The following PACRGL variants were observed in gnomAD, a reference collection of about 807,000 sequenced individuals.
The protein encoded by PACRGL is PACRG-like protein.
A neutral mutation model predicts 34.5 loss-of-function variants in PACRGL; 38 were observed. The ratio of observed to expected loss-of-function variants is 1.10; its 90% CI spans 0.85 to 1.44. PACRGL has a LOEUF of 1.44. Ranked by LOEUF, PACRGL falls within the 40% of genes most tolerant of loss-of-function variation. The probability of loss-of-function intolerance (pLI) is 0.00; values close to 1 mark genes in which losing one functional copy is unlikely to be tolerated. For missense variants in PACRGL, 305 were observed against 281.4 expected (o/e 1.08, Z -0.60); for synonymous variants, 128 against 100.1 (o/e 1.28, Z -1.66).
At chr4:20,720,887 G>C (rs538984644) in intron 7 of PACRGL, among the ~76,000 whole-genome samples, 1 of 152,212 alleles carries the variant, frequency 6.6e-6, no homozygotes, top group Non-Finnish European at 1.5e-5. Context: ...GCTAAGTTGG[G>C]AAAGTTCTCC....
At chr4:20,708,455 T>A (rs1735560232) in intron 4 of PACRGL, among the ~76,000 whole-genome samples, 1 of 152,210 alleles carries the variant, frequency 6.6e-6, no homozygotes, top group Admixed American at 6.5e-5. Flanking sequence ...CATTTATTTA[T>A]TTTTGTTCCA....
chr4:20,705,662 G>A (rs371935653), intron 3 of PACRGL, among the ~76,000 whole-genome samples: 1 of 151,978 alleles, frequency 6.6e-6, no homozygotes, highest in Non-Finnish European at 1.5e-5. Context: ...GGAGTTTACG[G>A]TGACGCTTCA....
At chr4:20,757,431 A>C (rs1324293020), downstream of PACRGL, among the ~76,000 whole-genome samples, 3 of 152,160 alleles carry the variant, frequency 2.0e-5, no homozygotes, top group African/African-American at 7.2e-5. Context: ...GATCCCACTT[A>C]AACTTATCAG....
chr4:20,735,851 T>C (rs758330296), downstream of PACRGL, among the ~76,000 whole-genome samples: 10 of 152,164 alleles, frequency 6.6e-5, no homozygotes, highest in Admixed American at 3.9e-4. Context: ...CTTGTTGTTA[T>C]GTACAGCAGG....
rs1321751637 is a variant in PACRGL, at chr4:20,729,596, TCC to T, written c.*2256_*2257del. 6.6e-6 allele frequency: 1 copy of T among 151,588 alleles called. No individual in the cohort carries two copies. Among genetic ancestry groups the T allele is most frequent in the African/African-American group, 2.4e-5 (1 of 41,258 alleles). The allele number at this position is 151,588 out of a possible 1,614,324, so 9.4% of individuals were successfully genotyped here. ...TTTTTTTAATTGTTGTAATCTTGTT[TCC>T]TTAAAGTATATAAATGGAATTTAAA... On this transcript the variant is annotated 3_prime_UTR_variant, in exon 9 of 9. Transcript: ENST00000503585.
chr4:20,764,683 C>CACACAT, the PACRGL span, among the ~76,000 whole-genome samples: 1 of 146,724 alleles, frequency 6.8e-6, no homozygotes, highest in African/African-American at 2.5e-5. Flanking sequence ...GGGAATTGGA[C>CACACAT]ACACACACAC....
At chr4:20,696,978 A>G (rs528967449), upstream of PACRGL, among the ~76,000 whole-genome samples, 1 of 152,348 alleles carries the variant, frequency 6.6e-6, no homozygotes, top group South Asian at 2.1e-4. Context: ...TTACTTTCAC[A>G]TGATTCTTTC....
chr4:20,725,435 G>T (rs914287307), intron 8 of PACRGL, among the ~76,000 whole-genome samples: 1 of 151,990 alleles, frequency 6.6e-6, no homozygotes, highest in Admixed American at 6.6e-5. Flanking sequence ...ACTTTTCAAG[G>T]TACAAAAATA....
At chr4:20,733,766 T>TA (rs1248117013), downstream of PACRGL, among the ~76,000 whole-genome samples, 5 of 152,160 alleles carry the variant, frequency 3.3e-5, no homozygotes, top group African/African-American at 1.2e-4. Flanking sequence ...ACAATAGCCA[T>TA]AAGGTCTTAA....
chr4:20,716,351 T>C, intron 7 of PACRGL: 2 of 587,632 alleles, frequency 3.4e-6, no homozygotes, highest in Non-Finnish European at 6.0e-6. Flanking sequence ...TTTGTTTGTT[T>C]GTTTGTTTTA....
At chr4:20,718,319 T>A (rs1412135246) in intron 7 of PACRGL, among the ~76,000 whole-genome samples, 1 of 152,188 alleles carries the variant, frequency 6.6e-6, no homozygotes, top group Non-Finnish European at 1.5e-5. Flanking sequence ...GAATACCCTT[T>A]ATTTCTTTCT....
At chr4:20,712,721 C>A in intron 5 of PACRGL, 67 bp from the exon 6 acceptor site, 1 of 1,299,844 alleles carries the variant, frequency 7.7e-7, no homozygotes, top group Non-Finnish European at 1.0e-6. Flanking sequence ...CAAGTAAAGA[C>A]TCAATTTTTC....
rs1747984500 is a variant in PACRGL at position 20,730,964 on chromosome 4, A to T, written c.*3623A>T. ...TTCTCTCAAAGACCACTGCATGGAA[A>T]TCCAAGTTGAGAGACAAGCAGACAT... On this transcript the variant is annotated 3_prime_UTR_variant, in exon 9 of 9. Transcript: ENST00000503585. Among the ~76,000 whole-genome samples, 1 of 152,220 alleles carries T rather than the reference A, an allele frequency of 6.6e-6. No homozygotes were observed. The highest frequency in any genetic ancestry group is 1.5e-5 in the Non-Finnish European group (1 of 68,036).
At chr4:20,723,347 G>C (rs1276643158) in intron 7 of PACRGL, among the ~76,000 whole-genome samples, 3 of 152,128 alleles carry the variant, frequency 2.0e-5, no homozygotes, top group Non-Finnish European at 4.4e-5. Flanking sequence ...GGTATGCCAA[G>C]CAGTGAGAAT....
intron 8 of PACRGL, among the ~76,000 whole-genome samples, chr4:20,745,752 C>G (rs751038630): frequency 4.6e-5 from 7 of 152,134 alleles, no homozygotes; most frequent in African/African-American, 1.4e-4. Context: ...TCTGCCAAAC[C>G]TTTAATGAGT....
intron 5 of PACRGL, among the ~76,000 whole-genome samples, chr4:20,710,884 T>C (rs1013216800): frequency 6.6e-6 from 1 of 152,084 alleles, no homozygotes; most frequent in Non-Finnish European, 1.5e-5. Flanking sequence ...AAATTCAGTT[T>C]TGAGGTTGGC....
At chr4:20,723,967 G>T (rs549275192) in intron 7 of PACRGL, among the ~76,000 whole-genome samples, 2 of 152,140 alleles carry the variant, frequency 1.3e-5, no homozygotes, top group East Asian at 3.9e-4. Flanking sequence ...ATACATTTCA[G>T]CCTCAAAGCC....
chr4:20,765,790 A>G, the PACRGL span, among the ~76,000 whole-genome samples: 2 of 152,166 alleles, frequency 1.3e-5, no homozygotes, highest in Non-Finnish European at 2.9e-5. Context: ...TCTTTGCAAT[A>G]TAACTGCCAT....
At chr4:20,698,360 A>G (rs1731324278), upstream of PACRGL, among the ~76,000 whole-genome samples, 1 of 152,214 alleles carries the variant, frequency 6.6e-6, no homozygotes, top group Non-Finnish European at 1.5e-5. Flanking sequence ...ACCTGAATAG[A>G]AGACAAAAGT....
Sources: allele counts gnomAD v4.1 joint callset (sites outside exome capture counted in the v4.1 genomes callset), GRCh38; gene constraint gnomAD v4.1.1; transcripts MANE v1.5; gene names NCBI Gene and HGNC (gene_info 2026-07-23, HGNC 2026-07-21).